Variants in NUP210L observed in about 807,000 individuals in gnomAD.
NUP210L encodes nucleoporin 210 like.
Under a neutral mutation model 208.5 loss-of-function variants are expected in NUP210L, and 74 were observed. The ratio of observed to expected loss-of-function variants is 0.35; its 90% CI spans 0.29 to 0.43. The LOEUF (loss-of-function observed/expected upper bound fraction) is 0.43, where lower values mean the gene tolerates loss of function less well. NUP210L is among the 20% of genes least tolerant of loss of function. NUP210L has a pLI of 1.00. For missense variants in NUP210L, 1,843 were observed against 2,289.4 expected, an observed-to-expected ratio of 0.81 and a Z score of 3.98; for synonymous variants, 780 against 816.9, an observed-to-expected ratio of 0.95 and a Z score of 0.77.
At chr1:154,132,548 A>G (rs1658311451) in intron 7 of NUP210L, among the ~76,000 whole-genome samples, 1 of 152,196 alleles carries the variant, frequency 6.6e-6, no homozygotes, top group South Asian at 2.1e-4. Flanking sequence ...CATATTATGA[A>G]TAGTCACCAT....
chr1:154,070,146 C>A, intron 17 of NUP210L, 127 bp downstream of exon 17: 1 of 694,476 alleles, frequency 1.4e-6, no homozygotes, highest in Non-Finnish European at 2.4e-6. Context: ...CACATGTATA[C>A]ATATGTAACA....
intron 1 of NUP210L, among the ~76,000 whole-genome samples, chr1:154,154,470 C>T (rs1278614524): frequency 6.6e-6 from 1 of 152,184 alleles, no homozygotes; most frequent in African/African-American, 2.4e-5. Flanking sequence ...TCCTCTTACT[C>T]TAGTTGTTTA....
intron 5 of NUP210L, 67 bp downstream of exon 5, chr1:154,139,735 G>T: frequency 8.1e-7 from 1 of 1,241,420 alleles, no homozygotes; most frequent in Non-Finnish European, 1.1e-6. Flanking sequence ...GTAGTACCTG[G>T]GCAACAGAGT....
At chr1:154,152,455 C>T (rs1163047483) in intron 2 of NUP210L, among the ~76,000 whole-genome samples, 2 of 150,448 alleles carry the variant, frequency 1.3e-5, no homozygotes, top group African/African-American at 2.4e-5. Context: ...ATTACAGGCG[C>T]GAGCCACCGC....
At chr1:154,118,563 T>A in intron 11 of NUP210L, 108 bp downstream of exon 11, 4 of 852,242 alleles carry the variant, frequency 4.7e-6, no homozygotes, top group Non-Finnish European at 6.7e-6. Context: ...ACCCAAGTTA[T>A]ACTTTTAGGA....
At position 154,137,551 on chromosome 1, in the gene NUP210L, GAA is replaced by G. The variant is rs71096513; in HGVS notation, c.850+553_850+554del. Among the ~76,000 whole-genome samples the G allele has an allele frequency of 9.7e-3, 1,315 of 135,162 alleles. 15 individuals are homozygous for G. Among genetic ancestry groups the G allele is most frequent in the African/African-American group, 0.03 (1,079 of 36,448 alleles). The allele number at this position is 135,162 out of a possible 152,430, so 88.7% of individuals were successfully genotyped here. On this transcript the variant is annotated intron_variant, in intron 6 of 39. Coordinates refer to ENST00000368559, the Ensembl canonical transcript of NUP210L. ...GGGTGACAGAGAGAGACTACATCTA[GAA>G]AAAAAAAAAAAAAGAGCTTGATATG...
chr1:153,995,011 C>CAA (rs376157395), intron 38 of NUP210L, 65 bp downstream of exon 38: 6,175 of 716,694 alleles, frequency 8.6e-3, no homozygotes, highest in South Asian at 0.012. Context: ...AACTCCATCT[C>CAA]AAAAAAAAAA....
chr1:154,124,057 C>T (rs887105636), intron 10 of NUP210L, among the ~76,000 whole-genome samples: 2 of 148,464 alleles, frequency 1.3e-5, no homozygotes, highest in African/African-American at 5.0e-5. Flanking sequence ...CGTGGTGGCA[C>T]ACGCCTGTAG....
intron 38 of NUP210L, among the ~76,000 whole-genome samples, chr1:153,994,128 C>T (rs1649674450): frequency 6.6e-6 from 1 of 152,128 alleles, no homozygotes; most frequent in Non-Finnish European, 1.5e-5. Context: ...CATCCTCCCA[C>T]TTTGGCCTCC....
chr1:154,120,290 T>C (rs1484818289), intron 10 of NUP210L, among the ~76,000 whole-genome samples: 1 of 152,130 alleles, frequency 6.6e-6, no homozygotes, highest in Non-Finnish European at 1.5e-5. Flanking sequence ...CTGGATACTA[T>C]GCAGCCATAA....
chr1:154,026,048 C>T (rs1026271697), intron 29 of NUP210L, among the ~76,000 whole-genome samples: 15 of 151,382 alleles, frequency 9.9e-5, no homozygotes, highest in Non-Finnish European at 1.5e-4. Context: ...CATGGTGAAA[C>T]CCCGTCTTTA....
chr1:154,012,145 T>C, intron 34 of NUP210L, 99 bp downstream of exon 34: 2 of 1,261,882 alleles, frequency 1.6e-6, no homozygotes, highest in Non-Finnish European at 2.2e-6. Context: ...AGTTTTGAAA[T>C]AAAAAGAAAA....
At chr1:154,087,574 A>G (rs1451563150) in intron 16 of NUP210L, among the ~76,000 whole-genome samples, 1 of 152,158 alleles carries the variant, frequency 6.6e-6, no homozygotes, top group Admixed American at 6.6e-5. Context: ...CAAACCACCA[A>G]TTCCACTCTT....
chr1:154,093,983 T>C (rs776878158), intron 15 of NUP210L, among the ~76,000 whole-genome samples: 1 of 152,124 alleles, frequency 6.6e-6, no homozygotes. Flanking sequence ...AAACCCTGTC[T>C]ATAGAAAAAA....
intron 28 of NUP210L, 109 bp downstream of exon 28, chr1:154,029,787 C>G: frequency 1.2e-6 from 1 of 812,776 alleles, no homozygotes; most frequent in Non-Finnish European, 2.0e-6. Flanking sequence ...CCAGGAATCG[C>G]TCTAACAATT....
intron 10 of NUP210L, among the ~76,000 whole-genome samples, chr1:154,122,697 G>C (rs1030139898): frequency 1.3e-5 from 2 of 152,034 alleles, no homozygotes; most frequent in Non-Finnish European, 2.9e-5. Context: ...ACAAGGATGT[G>C]GAGAAATAGG....
rs1028749063 is a variant in NUP210L at position 154,001,139 on chromosome 1, A to G, written c.5182-79T>C. The G allele has an allele frequency of 4.6e-6, 5 of 1,087,324 alleles. No individual in the cohort carries two copies. The East Asian group carries it at 9.6e-5, about 21-fold the overall frequency. 67.4% of individuals were successfully genotyped at this position (1,087,324 alleles called of 1,614,324 possible). A position where few individuals can be genotyped will look rare whatever the true frequency, so the allele number is the denominator to read the frequency against. On this transcript the variant is annotated intron_variant, in intron 36 of 39. Transcript: ENST00000368559. ...CAGTATGTTCCAATCTGAAACATAT[A>G]CAGTACAATAATTGTCAAGATCTGG... is the stretch of plus-strand genomic sequence containing the variant.
At chr1:154,146,443 A>G (rs1467589185) in intron 2 of NUP210L, among the ~76,000 whole-genome samples, 2 of 152,160 alleles carry the variant, frequency 1.3e-5, no homozygotes, top group African/African-American at 4.8e-5. Context: ...CAGCCTGGGC[A>G]ACATAGTGAG....
At chr1:154,153,471 G>C (rs569932057) in intron 1 of NUP210L, among the ~76,000 whole-genome samples, 13 of 152,072 alleles carry the variant, frequency 8.5e-5, no homozygotes, top group Non-Finnish European at 1.5e-5. Flanking sequence ...CACTATGCCC[G>C]ACTAATTTTT....
Sources: allele counts gnomAD v4.1 joint callset (sites outside exome capture counted in the v4.1 genomes callset), GRCh38; gene constraint gnomAD v4.1.1; transcripts MANE v1.5; gene names NCBI Gene and HGNC (gene_info 2026-07-23, HGNC 2026-07-21).